The following HYCC2 variants were observed in gnomAD, a reference collection of about 807,000 sequenced individuals.
HYCC2 encodes hyccin 2.
At chr2:201,062,363 A>C in the HYCC2 span, among the ~76,000 whole-genome samples, 1 of 151,174 alleles carries the variant, frequency 6.6e-6, no homozygotes, top group Non-Finnish European at 1.5e-5. Flanking sequence ...AAATACAAAA[A>C]TGAGGCCGGG....
the HYCC2 span, among the ~76,000 whole-genome samples, chr2:201,007,596 T>G: frequency 3.3e-5 from 5 of 152,316 alleles, no homozygotes; most frequent in African/African-American, 1.2e-4. Context: ...ACATCTGGCC[T>G]TTGCTCCTAG....
chr2:201,007,428 A>G, the HYCC2 span, among the ~76,000 whole-genome samples: 6 of 152,194 alleles, frequency 3.9e-5, no homozygotes, highest in Admixed American at 3.9e-4. Flanking sequence ...AATTTACTGA[A>G]TACTGTACTG....
chr2:201,053,561 T>A, the HYCC2 span, among the ~76,000 whole-genome samples: 1 of 152,152 alleles, frequency 6.6e-6, no homozygotes, highest in Non-Finnish European at 1.5e-5. Flanking sequence ...GCCTAATGAA[T>A]AGACATAGGC....
At chr2:200,997,607 C>T in the HYCC2 span, 3 of 971,598 alleles carry the variant, frequency 3.1e-6, no homozygotes, top group Non-Finnish European at 4.9e-6. Flanking sequence ...CTGGTTATGA[C>T]AATGCCTTAA....
chr2:201,063,253 G>A, the HYCC2 span: 27 of 1,590,680 alleles, frequency 1.7e-5, no homozygotes, highest in South Asian at 4.4e-5. Context: ...AGTGCTCCAC[G>A]GGCTTTGGGT....
chr2:201,045,551 C>T, the HYCC2 span: 2 of 398,074 alleles, frequency 5.0e-6, no homozygotes, highest in Non-Finnish European at 8.9e-6. Flanking sequence ...CGGCAGAGTT[C>T]AAGTGGGGAA....
At chr2:201,028,156 T>C in the HYCC2 span, among the ~76,000 whole-genome samples, 5 of 152,116 alleles carry the variant, frequency 3.3e-5, no homozygotes, top group African/African-American at 7.2e-5. Context: ...TCATAAGCAT[T>C]CCTGTACACC....
At chr2:201,004,765 C>T in the HYCC2 span, among the ~76,000 whole-genome samples, 1 of 152,126 alleles carries the variant, frequency 6.6e-6, no homozygotes, top group African/African-American at 2.4e-5. Context: ...CCTGTAATCC[C>T]TCGGCACTTT....
chr2:201,068,815 G>C, the HYCC2 span, among the ~76,000 whole-genome samples: 2 of 152,256 alleles, frequency 1.3e-5, no homozygotes, highest in South Asian at 4.1e-4. Context: ...GCTCCCTCCA[G>C]AATCCACTAC....
the HYCC2 span, chr2:200,981,077 G>A: frequency 1.5e-6 from 1 of 664,534 alleles, no homozygotes; most frequent in Non-Finnish European, 2.5e-6. This position sits in a 1 kb window ranked among gnomAD's most constrained non-coding sequence, Gnocchi z 4.5. Flanking sequence ...GATAGGTGAA[G>A]AGAAGATGTA....
chr2:200,997,758 C>A, the HYCC2 span, among the ~76,000 whole-genome samples: 5 of 152,142 alleles, frequency 3.3e-5, no homozygotes, highest in African/African-American at 1.2e-4. Flanking sequence ...ATAAATCAGG[C>A]CAGGTGCAGG....
the HYCC2 span, among the ~76,000 whole-genome samples, chr2:200,991,784 G>C: frequency 0.028 from 4,323 of 151,832 alleles, 217 homozygotes; most frequent in African/African-American, 0.099. Context: ...GAATAGGCTG[G>C]GTGTGGTGTC....
chr2:200,995,657 A>C, the HYCC2 span, among the ~76,000 whole-genome samples: 3 of 152,220 alleles, frequency 2.0e-5, no homozygotes, highest in Admixed American at 6.5e-5. Context: ...TCCTACAGCC[A>C]CAGGAACTCA....
At chr2:201,043,418 T>C in the HYCC2 span, among the ~76,000 whole-genome samples, 1 of 112,270 alleles carries the variant, frequency 8.9e-6, no homozygotes, top group East Asian at 2.2e-4. Context: ...CACCCAAGAA[T>C]GATCAATAAA....
At chr2:201,022,448 A>G in the HYCC2 span, 1 of 226,090 alleles carries the variant, frequency 4.4e-6, no homozygotes, top group South Asian at 5.6e-5. Flanking sequence ...ACCTAGTTAT[A>G]TATTATCAGT....
chr2:201,059,163 C>G, the HYCC2 span, among the ~76,000 whole-genome samples: 1 of 152,208 alleles, frequency 6.6e-6, no homozygotes, highest in Non-Finnish European at 1.5e-5. Context: ...TCCTGAGTCT[C>G]CAGCTTGCCA....
chr2:201,025,205 G>A, the HYCC2 span, among the ~76,000 whole-genome samples: 1 of 152,094 alleles, frequency 6.6e-6, no homozygotes, highest in African/African-American at 2.4e-5. Flanking sequence ...TAAATGCTAA[G>A]GTCAACCCTG....
the HYCC2 span, among the ~76,000 whole-genome samples, chr2:201,070,970 A>C: frequency 6.6e-6 from 1 of 152,242 alleles, no homozygotes; most frequent in East Asian, 1.9e-4. Context: ...TCTATCCTCC[A>C]TGCTACCACC....
the HYCC2 span, among the ~76,000 whole-genome samples, chr2:200,990,807 G>A: frequency 6.6e-6 from 1 of 152,164 alleles, no homozygotes; most frequent in African/African-American, 2.4e-5. Context: ...TCCTGACCTC[G>A]TGATACACCC....
Sources: gnomAD v4.1 joint callset for allele counts (sites outside exome capture counted in the v4.1 genomes callset) on GRCh38, gnomAD v4.1.1 for gene constraint, Gnocchi (gnomAD v3.1) non-coding constraint, MANE v1.5 for transcripts, NCBI Gene and HGNC (gene_info 2026-07-23, HGNC 2026-07-21) for gene names.